FANCB: variants seen among roughly 807,000 people sequenced by gnomAD.
The protein encoded by FANCB is Fanconi anemia group B protein.
Under a neutral mutation model 38.9 loss-of-function variants are expected in FANCB, and 5 were observed. The observed-to-expected ratio is 0.13, with a 90% CI of 0.07 to 0.27. The LOEUF (loss-of-function observed/expected upper bound fraction) is 0.27, where lower values mean the gene tolerates loss of function less well. Among genes scored for constraint, FANCB ranks in the 10% least tolerant of loss-of-function variants. The probability of loss-of-function intolerance (pLI) is 1.00; values close to 1 mark genes in which losing one functional copy is unlikely to be tolerated. For missense variants in FANCB, 573 were observed against 602.7 expected (o/e 0.95, Z 0.52); for synonymous variants, 236 against 215.4 (o/e 1.10, Z -0.84).
chrX:14,748,425 A>G, the FANCB span, among the ~76,000 whole-genome samples: 2 of 112,447 alleles, frequency 1.8e-5, no homozygotes, highest in African/African-American at 6.5e-5. Flanking sequence ...TAAGCCATGC[A>G]CAGATTCCTG....
intron 7 of FANCB, among the ~76,000 whole-genome samples, chrX:14,846,070 T>C (rs926531656): frequency 4.5e-5 from 5 of 112,060 alleles, no homozygotes; most frequent in African/African-American, 6.5e-5. Context: ...AATTGAACTA[T>C]TGTTTTGTTG....
intron 3 of FANCB, among the ~76,000 whole-genome samples, chrX:14,861,650 A>C (rs2092447236): frequency 9.0e-6 from 1 of 111,546 alleles, no homozygotes; most frequent in Non-Finnish European, 1.9e-5. Context: ...TCAGAACTTA[A>C]TGTTAGAAAA....
intron 1 of FANCB, among the ~76,000 whole-genome samples, chrX:14,869,641 C>T (rs1192146428): frequency 8.9e-6 from 1 of 112,212 alleles, no homozygotes; most frequent in Non-Finnish European, 1.9e-5. Context: ...GATCCTGTCA[C>T]TGTCCACCCC....
chrX:14,856,723 G>A (rs1195671594), intron 5 of FANCB, among the ~76,000 whole-genome samples: 1 of 111,651 alleles, frequency 9.0e-6, no homozygotes, highest in Non-Finnish European at 1.9e-5. Context: ...AGCAAGAAAA[G>A]AGACAAATCC....
At chrX:14,704,320 T>C in the FANCB span, among the ~76,000 whole-genome samples, 1 of 112,519 alleles carries the variant, frequency 8.9e-6, no homozygotes, top group Non-Finnish European at 1.9e-5. Flanking sequence ...CCTTGAACCT[T>C]CTTCTTTCAC....
chrX:14,689,622 T>A, the FANCB span, among the ~76,000 whole-genome samples: 1 of 112,022 alleles, frequency 8.9e-6, no homozygotes, highest in African/African-American at 3.2e-5. Context: ...AAAATTGGGA[T>A]GAGTTGTTGT....
the FANCB span, among the ~76,000 whole-genome samples, chrX:14,777,988 G>A: frequency 7.2e-5 from 8 of 111,877 alleles, no homozygotes; most frequent in Admixed American, 7.6e-4. Flanking sequence ...CATTTGGAAT[G>A]TGAGGTTCCT....
intron 1 of FANCB, among the ~76,000 whole-genome samples, chrX:14,870,556 ACTAT>A (rs1343226288): frequency 5.4e-5 from 6 of 111,953 alleles, no homozygotes; most frequent in South Asian, 3.7e-4. Context: ...ATCAAAGTTG[ACTAT>A]CTATTTTATA....
chrX:14,825,198 T>A, the FANCB span, among the ~76,000 whole-genome samples: 3 of 112,158 alleles, frequency 2.7e-5, no homozygotes, highest in Non-Finnish European at 5.6e-5. Flanking sequence ...TTTCTTCTTT[T>A]TTTTCCTACT....
At chrX:14,749,511 T>C in the FANCB span, among the ~76,000 whole-genome samples, 1 of 111,569 alleles carries the variant, frequency 9.0e-6, no homozygotes, top group Non-Finnish European at 1.9e-5. Flanking sequence ...TACAGCCGTG[T>C]GGTAGGCGAA....
chrX:14,689,696 A>T, the FANCB span, among the ~76,000 whole-genome samples: 3 of 112,367 alleles, frequency 2.7e-5, no homozygotes, highest in African/African-American at 9.7e-5. Flanking sequence ...CTTGACAGCT[A>T]TCAAAATATA....
the FANCB span, among the ~76,000 whole-genome samples, chrX:14,771,658 C>T: frequency 8.9e-6 from 1 of 111,927 alleles, no homozygotes; most frequent in Non-Finnish European, 1.9e-5. Flanking sequence ...TTCAGCCTCA[C>T]CCCAGTTTTG....
At chrX:14,849,192 G>A (rs1424636030) in intron 7 of FANCB, among the ~76,000 whole-genome samples, 1 of 111,805 alleles carries the variant, frequency 8.9e-6, no homozygotes, top group African/African-American at 3.3e-5. Flanking sequence ...AAATATTCTT[G>A]ACCAAAGGAT....
At chrX:14,833,665 G>GCTTTTAAACT (rs2092333084), downstream of FANCB, among the ~76,000 whole-genome samples, 1 of 45,427 alleles carries the variant, frequency 2.2e-5, no homozygotes. Flanking sequence ...CACCTGGGGA[G>GCTTTTAAACT]GCTGGGTGTG....
At chrX:14,725,076 A>G in the FANCB span, among the ~76,000 whole-genome samples, 4 of 111,993 alleles carry the variant, frequency 3.6e-5, no homozygotes, top group African/African-American at 1.3e-4. Context: ...TATTAGCACT[A>G]TAACTATAGG....
downstream of FANCB, among the ~76,000 whole-genome samples, chrX:14,839,854 AT>A (rs140712188): frequency 0.015 from 1,576 of 101,727 alleles, 19 homozygotes; most frequent in African/African-American, 0.042. Context: ...GTTACAAGGG[AT>A]TTTTTTTTTT....
At chrX:14,862,564 A>G (rs192351874) in intron 3 of FANCB, among the ~76,000 whole-genome samples, 1 of 112,256 alleles carries the variant, frequency 8.9e-6, no homozygotes, top group Non-Finnish European at 1.9e-5. Context: ...TTAATGACAC[A>G]TAAAGGAATT....
the FANCB span, among the ~76,000 whole-genome samples, chrX:14,744,468 A>G: frequency 8.9e-6 from 1 of 112,483 alleles, no homozygotes; most frequent in East Asian, 2.8e-4. Context: ...GCCTATATTC[A>G]GCTGTTAATA....
At chrX:14,860,085 G>A (rs1286120571) in intron 3 of FANCB, among the ~76,000 whole-genome samples, 1 of 111,215 alleles carries the variant, frequency 9.0e-6, no homozygotes, top group Non-Finnish European at 1.9e-5. Flanking sequence ...CTTCTTAATG[G>A]TACATATAGC....
Sources: gnomAD v4.1 joint callset for allele counts (sites outside exome capture counted in the v4.1 genomes callset) on GRCh38, gnomAD v4.1.1 for gene constraint, MANE v1.5 for transcripts, NCBI Gene and HGNC (gene_info 2026-07-23, HGNC 2026-07-21) for gene names.